The following PRKCB variants were observed in gnomAD, a reference collection of about 807,000 sequenced individuals.
PRKCB encodes protein kinase C beta type.
In PRKCB, 13 loss-of-function variants were observed where a neutral mutation model predicts 81.5. The ratio of observed to expected loss-of-function variants is 0.16; its 90% CI spans 0.10 to 0.25. PRKCB has a LOEUF of 0.25. Among genes scored for constraint, PRKCB ranks in the 10% least tolerant of loss-of-function variants. The pLI, the probability that PRKCB is intolerant of heterozygous loss-of-function variation, is 1.00. For missense variants in PRKCB, 509 were observed against 875.7 expected (o/e 0.58, Z 5.29); for synonymous variants, 335 against 321.4 (o/e 1.04, Z -0.45).
At chr16:24,107,170 G>A (rs953039324) in intron 7 of PRKCB, among the ~76,000 whole-genome samples, 7 of 152,040 alleles carry the variant, frequency 4.6e-5, no homozygotes, top group Non-Finnish European at 7.4e-5. Flanking sequence ...TCCCACTCTC[G>A]TATTTGTTCC....
chr16:23,872,711 G>T (rs1962925041), intron 2 of PRKCB, among the ~76,000 whole-genome samples: 2 of 152,102 alleles, frequency 1.3e-5, no homozygotes. Flanking sequence ...ACCTCACAGG[G>T]TTGTCAGGAA....
chr16:24,092,758 G>T, intron 5 of PRKCB, 33 bp from the exon 6 acceptor site: 1 of 1,605,168 alleles, frequency 6.2e-7, no homozygotes, highest in Non-Finnish European at 8.5e-7. Flanking sequence ...ATGTTGGACA[G>T]TATTAATGCA....
intron 3 of PRKCB, among the ~76,000 whole-genome samples, chr16:24,018,628 G>C (rs962690468): frequency 1.3e-5 from 2 of 152,158 alleles, no homozygotes; most frequent in Non-Finnish European, 2.9e-5. Flanking sequence ...TTTAAATTCT[G>C]CCAAAGTTTA....
chr16:23,947,160 G>A (rs1964213866), intron 2 of PRKCB, among the ~76,000 whole-genome samples: 1 of 152,148 alleles, frequency 6.6e-6, no homozygotes, highest in Admixed American at 6.5e-5. Context: ...CCAGCCCATG[G>A]ATCACACTTT....
chr16:24,205,040 A>G (rs1472132897), intron 16 of PRKCB, among the ~76,000 whole-genome samples: 1 of 151,772 alleles, frequency 6.6e-6, no homozygotes, highest in Non-Finnish European at 1.5e-5. Context: ...GAATCGCTTG[A>G]ACCCGGGAGG....
chr16:24,126,077 A>G (rs1476511680), intron 9 of PRKCB, among the ~76,000 whole-genome samples: 3 of 152,210 alleles, frequency 2.0e-5, no homozygotes, highest in Non-Finnish European at 4.4e-5. Context: ...CTGGGAAGAG[A>G]GATGTCCACT....
At chr16:24,170,514 A>G (rs921451798) in intron 10 of PRKCB, among the ~76,000 whole-genome samples, 5 of 151,980 alleles carry the variant, frequency 3.3e-5, no homozygotes, top group African/African-American at 1.2e-4. Flanking sequence ...CGTAGCGTAA[A>G]GGAGAGATTT....
chr16:24,047,138 A>T (rs1965777129), intron 5 of PRKCB, among the ~76,000 whole-genome samples: 1 of 151,860 alleles, frequency 6.6e-6, no homozygotes, highest in African/African-American at 2.4e-5. Context: ...GGCGTTCGAG[A>T]CCAGCCTGGT....
At chr16:24,112,510 C>T (rs1966687615) in intron 7 of PRKCB, among the ~76,000 whole-genome samples, 1 of 152,106 alleles carries the variant, frequency 6.6e-6, no homozygotes, top group Admixed American at 6.5e-5. Context: ...TGCACTCCAG[C>T]CTGGGTGACA....
chr16:23,837,463 T>C (rs768966596), intron 2 of PRKCB, 57 bp downstream of exon 2: 223 of 1,576,858 alleles, frequency 1.4e-4, no homozygotes, highest in Non-Finnish European at 1.8e-4. Context: ...AAAAATACTT[T>C]ATAGAAGAAG....
intron 2 of PRKCB, among the ~76,000 whole-genome samples, chr16:23,972,563 T>TA: frequency 6.6e-6 from 1 of 152,296 alleles, no homozygotes; most frequent in East Asian, 1.9e-4. Context: ...CTTATTTAAA[T>TA]AAAAAAGAAA....
rs1567323494 is a variant in PRKCB, at chr16:23,950,135, T to TG, written c.206-38373_206-38372insG. 1.9e-4 allele frequency among the ~76,000 whole-genome samples: 25 copies of TG among 134,134 alleles called. 1 individual carries two copies. Among genetic ancestry groups the TG allele is most frequent in the African/African-American group, 7.4e-4 (24 of 32,442 alleles). The allele number at this position is 134,134 out of a possible 152,430, so 88.0% of individuals were successfully genotyped here. On this transcript the variant is annotated intron_variant, in intron 2 of 16. Coordinates refer to ENST00000643927, the MANE Select transcript of PRKCB (RefSeq NM_002738.7). ...AGCATTGGCCCCTATGATTTGAATT[T>TG]TTTTTTTTTTTTTTTTTTTTTTTCT...
intron 9 of PRKCB, among the ~76,000 whole-genome samples, chr16:24,142,733 T>C (rs1168186926): frequency 6.6e-6 from 1 of 152,142 alleles, no homozygotes; most frequent in Non-Finnish European, 1.5e-5. Context: ...GCCTTAAAAC[T>C]TGGAGTTGAG....
intron 10 of PRKCB, among the ~76,000 whole-genome samples, chr16:24,170,034 A>C (rs1222105948): frequency 6.6e-6 from 1 of 152,190 alleles, no homozygotes; most frequent in Non-Finnish European, 1.5e-5. Context: ...TGCCCGCCTC[A>C]GTCTCCCAAA....
At chr16:24,093,439 A>G (rs898937817) in intron 6 of PRKCB, among the ~76,000 whole-genome samples, 2 of 152,196 alleles carry the variant, frequency 1.3e-5, no homozygotes, top group African/African-American at 4.8e-5. Context: ...TCTAGGCATC[A>G]GGAGTTGGTT....
chr16:24,086,239 G>T (rs113363469), intron 5 of PRKCB, among the ~76,000 whole-genome samples: 2 of 152,262 alleles, frequency 1.3e-5, no homozygotes, highest in African/African-American at 4.8e-5. Flanking sequence ...AGAGCAAAGG[G>T]CTAAAGAAGC....
chr16:24,113,914 G>C (rs529342486), intron 8 of PRKCB, among the ~76,000 whole-genome samples: 1 of 152,030 alleles, frequency 6.6e-6, no homozygotes, highest in South Asian at 2.1e-4. Flanking sequence ...TAGTCATGGT[G>C]AATGAAAGAA....
chr16:24,017,361 G>A (rs1965292892), intron 3 of PRKCB, among the ~76,000 whole-genome samples: 1 of 152,146 alleles, frequency 6.6e-6, no homozygotes, highest in South Asian at 2.1e-4. Context: ...AATGCCAAGG[G>A]AAATGATGAT....
chr16:23,862,679 G>A (rs1192003146), intron 2 of PRKCB, among the ~76,000 whole-genome samples: 2 of 152,114 alleles, frequency 1.3e-5, no homozygotes, highest in Admixed American at 6.6e-5. Context: ...TAACAGAAAC[G>A]AGACTCTTTT....
Sources: gnomAD v4.1 joint callset for allele counts (sites outside exome capture counted in the v4.1 genomes callset) on GRCh38, gnomAD v4.1.1 for gene constraint, MANE v1.5 for transcripts, NCBI Gene and HGNC (gene_info 2026-07-23, HGNC 2026-07-21) for gene names.